The following GADL1 variants were observed in gnomAD, a reference collection of about 807,000 sequenced individuals.
GADL1 encodes GAD like acidic amino acid decarboxylase 1, also known as acidic amino acid decarboxylase GADL1.
Under a neutral mutation model 69.5 loss-of-function variants are expected in GADL1, and 71 were observed. The observed-to-expected ratio is 1.02, with a 90% CI of 0.84 to 1.25. The LOEUF is 1.25. Among genes scored for constraint, GADL1 ranks in the 50% most tolerant of loss-of-function variants. GADL1 has a pLI of 0.00. For missense variants in GADL1, 737 were observed against 631.8 expected (o/e 1.17, Z -1.79); for synonymous variants, 254 against 214.4 (o/e 1.18, Z -1.62).
intron 11 of GADL1, among the ~76,000 whole-genome samples, chr3:30,833,617 G>C (rs557965833): frequency 1.3e-5 from 2 of 152,048 alleles, no homozygotes; most frequent in Non-Finnish European, 1.5e-5. Context: ...CCATTTTGCT[G>C]TAACTAATGA....
intron 14 of GADL1, among the ~76,000 whole-genome samples, chr3:30,762,654 T>C (rs1696166661): frequency 6.6e-6 from 1 of 152,214 alleles, no homozygotes; most frequent in Non-Finnish European, 1.5e-5. Flanking sequence ...TATTTAAAAA[T>C]GTAGTTATTG....
intron 4 of GADL1, among the ~76,000 whole-genome samples, chr3:30,851,784 A>G (rs531260132): frequency 1.3e-5 from 2 of 152,084 alleles, no homozygotes; most frequent in South Asian, 4.2e-4. Context: ...TGACTCCTAT[A>G]CTTGCCCTTT....
At chr3:30,777,993 C>T (rs1696575286) in intron 14 of GADL1, among the ~76,000 whole-genome samples, 186 bp downstream of exon 14, 1 of 152,136 alleles carries the variant, frequency 6.6e-6, no homozygotes, top group Non-Finnish European at 1.5e-5. Flanking sequence ...GTGTGTCAAC[C>T]ATGTTAATTT....
intron 14 of GADL1, among the ~76,000 whole-genome samples, chr3:30,769,707 C>T (rs1342607891): frequency 6.6e-6 from 1 of 152,212 alleles, no homozygotes; most frequent in Non-Finnish European, 1.5e-5. Context: ...TATGTCTAAA[C>T]TGTGTTGCCA....
chr3:30,797,389 A>G (rs547863569), intron 12 of GADL1, among the ~76,000 whole-genome samples: 111 of 152,342 alleles, frequency 7.3e-4, no homozygotes, highest in Non-Finnish European at 1.0e-3. Flanking sequence ...AAGGTCCTAC[A>G]TGATTTTCCA....
intron 1 of GADL1, among the ~76,000 whole-genome samples, chr3:30,890,915 A>C (rs1335319186): frequency 6.6e-6 from 1 of 152,160 alleles, no homozygotes; most frequent in Non-Finnish European, 1.5e-5. Context: ...ATAATCCTAA[A>C]CAGTAGATAT....
chr3:30,889,781 T>A (rs1228985853), intron 1 of GADL1, among the ~76,000 whole-genome samples: 2 of 152,198 alleles, frequency 1.3e-5, no homozygotes, highest in Non-Finnish European at 2.9e-5. Flanking sequence ...CAACCTTAAG[T>A]GCCCAGTGAC....
intron 14 of GADL1, among the ~76,000 whole-genome samples, chr3:30,760,499 C>A (rs1372191159): frequency 6.6e-6 from 1 of 152,186 alleles, no homozygotes; most frequent in Non-Finnish European, 1.5e-5. Flanking sequence ...TAACATCTTA[C>A]ATAAAACTCT....
intron 14 of GADL1, among the ~76,000 whole-genome samples, chr3:30,763,824 T>TC (rs899730673): frequency 5.9e-4 from 89 of 152,098 alleles, no homozygotes; most frequent in African/African-American, 2.1e-3. Flanking sequence ...TAATCCTTAG[T>TC]CAGCTTTTGA....
At chr3:30,892,399 A>G (rs1215378502) in intron 1 of GADL1, among the ~76,000 whole-genome samples, 1 of 152,174 alleles carries the variant, frequency 6.6e-6, no homozygotes, top group Non-Finnish European at 1.5e-5. Flanking sequence ...GTTGTCTTGT[A>G]CTCTTTTAAG....
intron 14 of GADL1, among the ~76,000 whole-genome samples, chr3:30,757,641 T>C (rs547945245): frequency 1.3e-5 from 2 of 152,278 alleles, no homozygotes; most frequent in South Asian, 4.1e-4. Flanking sequence ...CCACAGAGAA[T>C]GAGTAAACAC....
intron 14 of GADL1, among the ~76,000 whole-genome samples, chr3:30,733,504 G>C (rs1202769979): frequency 6.6e-6 from 1 of 152,034 alleles, no homozygotes; most frequent in African/African-American, 2.4e-5. Flanking sequence ...TTCATACTTT[G>C]TATCTGGCAC....
chr3:30,741,240 T>C (rs999016224), intron 14 of GADL1, among the ~76,000 whole-genome samples: 2 of 146,704 alleles, frequency 1.4e-5, no homozygotes, highest in African/African-American at 5.1e-5. Flanking sequence ...TGTGGTGTTA[T>C]ACTTAAGCTC....
chr3:30,854,838 ACTACTGATACAGCATT>A, intron 3 of GADL1, 49 bp from the exon 4 acceptor site: 4 of 900,488 alleles, frequency 4.4e-6, no homozygotes, highest in Non-Finnish European at 3.5e-6. Flanking sequence ...AAAAAAAAAA[ACTACTGATACAGCATT>A]AACATAAATG....
intron 11 of GADL1, among the ~76,000 whole-genome samples, chr3:30,829,207 TTTCTTTTTATTCCTGTGA>T (rs200234989): frequency 3.3e-5 from 5 of 151,886 alleles, no homozygotes; most frequent in East Asian, 1.9e-4. Flanking sequence ...AATCCCTGAT[TTTCTTTTTATTCCTGTGA>T]TTCTTTTTAT....
intron 14 of GADL1, among the ~76,000 whole-genome samples, chr3:30,761,412 G>A (rs1696127991): frequency 6.6e-6 from 1 of 152,094 alleles, no homozygotes; most frequent in Non-Finnish European, 1.5e-5. Flanking sequence ...CTTCTTCCAG[G>A]CACCCAGTGT....
intron 14 of GADL1, among the ~76,000 whole-genome samples, chr3:30,743,805 G>GACACA (rs1368989735): frequency 6.6e-6 from 1 of 152,212 alleles, no homozygotes; most frequent in Non-Finnish European, 1.5e-5. Context: ...CACAGGGCCT[G>GACACA]CTGTAGGAGG....
At chr3:30,791,363 C>T (rs778659830) in intron 12 of GADL1, among the ~76,000 whole-genome samples, 1 of 152,090 alleles carries the variant, frequency 6.6e-6, no homozygotes, top group African/African-American at 2.4e-5. Context: ...TTGGGAATAA[C>T]TTTAGAAGAT....
Position 30,795,653 on chromosome 3 carries a change from A to G in GADL1, c.1250+5236T>C, listed in dbSNP as rs1213259679. 2.0e-5 allele frequency among the ~76,000 whole-genome samples: 3 copies of G among 152,200 alleles called. No homozygotes were observed. The East Asian group carries it at 5.8e-4, about 29-fold the overall frequency. Reference sequence around the variant, plus strand: ...CTACAAATGAATCAGTAATTTGAAAAGAAAGAAATCATGAAAATAAAGCCC... The same window carrying G: ...CTACAAATGAATCAGTAATTTGAAAGGAAAGAAATCATGAAAATAAAGCCC... On this transcript the variant is annotated intron_variant, in intron 12 of 14. Coordinates refer to ENST00000282538, the MANE Select transcript of GADL1 (RefSeq NM_207359.3).
Sources: gnomAD v4.1 joint callset for allele counts (sites outside exome capture counted in the v4.1 genomes callset) on GRCh38, gnomAD v4.1.1 for gene constraint, MANE v1.5 for transcripts, NCBI Gene and HGNC (gene_info 2026-07-23, HGNC 2026-07-21) for gene names.